The following DCP2 variants were observed in gnomAD, a reference collection of about 807,000 sequenced individuals.
DCP2 encodes the protein decapping mRNA 2, also known as m7GpppN-mRNA hydrolase.
DCP2 carries 30 observed loss-of-function variants against 56.1 expected under a neutral mutation model. The observed-to-expected ratio is 0.53, with a 90% CI of 0.40 to 0.73. DCP2 has a LOEUF of 0.73. DCP2 is among the 30% of genes least tolerant of loss of function. The pLI is 0.00. For synonymous variants in DCP2, 197 were observed against 163.3 expected, an observed-to-expected ratio of 1.21 and a Z score of -1.57; for missense variants, 533 against 502.7, an observed-to-expected ratio of 1.06 and a Z score of -0.58.
chr5:112,985,934 G>A lies in DCP2; in HGVS notation c.153G>A (p.Met51Ile), dbSNP rs754548516. ...ATTGGTTTTACTTGGATTTCTACAT[G>A]CAGAACACACCAGGATTACCTCAGT... is the stretch of plus-strand genomic sequence containing the variant. ...LAHWFYLDFY[M>I]QNTPGLPQCG... The change falls in exon 2 of 11, where the codon ATG becomes ATA. Residue 51 changes from methionine to isoleucine, a missense_variant. Transcript: ENST00000389063. 2 of 1,606,038 alleles carry A rather than the reference G, an allele frequency of 1.2e-6. No individual in the cohort carries two copies. Among genetic ancestry groups the A allele is most frequent in the African/African-American group, 1.3e-5 (1 of 74,974 alleles).
At chr5:112,992,595 G>T (rs1329224587) in intron 3 of DCP2, 77 bp from the exon 4 acceptor site, 9 of 1,091,318 alleles carry the variant, frequency 8.2e-6, no homozygotes, top group Non-Finnish European at 1.2e-5. Flanking sequence ...CAAGTAAGGA[G>T]AAAAATGCCT....
At chr5:113,008,227 A>G (rs974497249) in intron 9 of DCP2, 185 bp downstream of exon 9, 1 of 488,652 alleles carries the variant, frequency 2.0e-6, no homozygotes, top group African/African-American at 1.9e-5. Flanking sequence ...TTAATTACAA[A>G]TGTATAATGT....
At chr5:112,993,486 C>T (rs1176239173) in intron 4 of DCP2, among the ~76,000 whole-genome samples, 6 of 151,874 alleles carry the variant, frequency 4.0e-5, no homozygotes, top group Non-Finnish European at 7.4e-5. Context: ...ATTAGCTGGG[C>T]GTGGTGGTAC....
chr5:113,010,712 G>C (rs1255255472), intron 9 of DCP2, 44 bp from the exon 10 acceptor site: 8 of 1,472,788 alleles, frequency 5.4e-6, no homozygotes, highest in Non-Finnish European at 7.1e-6. Context: ...ACTGGTGACT[G>C]TGTTGTATGT....
rs1352178998 is a variant in DCP2, at chr5:113,019,362, A to G, written c.*5878A>G. 1 of 152,242 alleles carries G rather than the reference A, an allele frequency of 6.6e-6. No individual in the cohort carries two copies. Among genetic ancestry groups the G allele is most frequent in the East Asian group, 1.9e-4 (1 of 5,194 alleles). 9.4% of individuals were successfully genotyped at this position (152,242 alleles called of 1,614,324 possible). A position where few individuals can be genotyped will look rare whatever the true frequency, so the allele number is the denominator to read the frequency against. ...AGTAGACTTGTATTCTTTATGCACTATACATATGATACGCACTGACAGAAA... is the reference window on the plus strand; with the variant it reads ...AGTAGACTTGTATTCTTTATGCACTGTACATATGATACGCACTGACAGAAA... On this transcript the variant is annotated 3_prime_UTR_variant, in exon 11 of 11. Transcript: ENST00000389063.
rs182756201 is a variant in DCP2, at chr5:113,019,126, C to T, written c.*5642C>T. On this transcript the variant is annotated 3_prime_UTR_variant, in exon 11 of 11. Transcript: ENST00000389063. ...ATATTCTCCTTTTAGTTCATTGAATCTGAGGTTCTAAATCTGTAGCTTCAT... is the reference window on the plus strand; with the variant it reads ...ATATTCTCCTTTTAGTTCATTGAATTTGAGGTTCTAAATCTGTAGCTTCAT... 1 of 152,280 alleles carries T rather than the reference C, an allele frequency of 6.6e-6. No individual in the cohort carries two copies. Among genetic ancestry groups the T allele is most frequent in the Admixed American group, 6.5e-5 (1 of 15,282 alleles). 9.4% of individuals were successfully genotyped at this position (152,280 alleles called of 1,614,324 possible).
At chr5:112,984,617 A>G (rs938435702) in intron 1 of DCP2, 1 of 149,942 alleles carries the variant, frequency 6.7e-6, no homozygotes, top group African/African-American at 2.5e-5. Flanking sequence ...CCCAAATTGC[A>G]ATCTCTAAAA....
rs1182573775 is a variant in DCP2 at position 113,020,761 on chromosome 5, A to G, written c.*7277A>G. On this transcript the variant is annotated 3_prime_UTR_variant, in exon 11 of 11. Transcript: ENST00000389063. Reference sequence around the variant, plus strand: ...CCACTGAGAAAATGAACAAAATCCTATGTCTTAACAGTTATGCTCTAACTT... The same window carrying G: ...CCACTGAGAAAATGAACAAAATCCTGTGTCTTAACAGTTATGCTCTAACTT... The G allele has an allele frequency of 2.4e-4, 37 of 152,248 alleles. No individual in the cohort carries two copies. The highest frequency in any genetic ancestry group is 2.2e-3 in the Admixed American group (34 of 15,284). 9.4% of individuals were successfully genotyped at this position (152,248 alleles called of 1,614,324 possible).
At chr5:113,010,683 AT>A (rs1749644568) in intron 9 of DCP2, 72 bp from the exon 10 acceptor site, 1 of 1,394,446 alleles carries the variant, frequency 7.2e-7, no homozygotes, top group Non-Finnish European at 9.4e-7. Context: ...ACATCTTTTG[AT>A]TTTTAATAAG....
intron 1 of DCP2, among the ~76,000 whole-genome samples, chr5:112,977,617 T>A (rs1311469825): frequency 6.6e-6 from 1 of 152,208 alleles, no homozygotes; most frequent in Non-Finnish European, 1.5e-5. Context: ...TCCTTAATAA[T>A]CCTATTTTAA....
intron 1 of DCP2, among the ~76,000 whole-genome samples, chr5:112,981,164 A>G (rs956172308): frequency 1.3e-5 from 2 of 152,048 alleles, no homozygotes; most frequent in Non-Finnish European, 2.9e-5. Flanking sequence ...ATGTACCACC[A>G]TGCCCAGGTA....
At chr5:112,996,057 C>A (rs79577611) in intron 4 of DCP2, among the ~76,000 whole-genome samples, 1 of 152,166 alleles carries the variant, frequency 6.6e-6, no homozygotes, top group African/African-American at 2.4e-5. Context: ...TTATTACTTC[C>A]TCACAGCCCT....
At chr5:113,012,811 T>C (rs1749732760) in intron 10 of DCP2, among the ~76,000 whole-genome samples, 2 of 151,694 alleles carry the variant, frequency 1.3e-5, no homozygotes, top group Admixed American at 1.3e-4. Flanking sequence ...GCCTGGCTAA[T>C]TTTTGTATTT....
At position 112,994,054 on chromosome 5, in the gene DCP2, C is replaced by T. The variant is rs1373650240; in HGVS notation, c.432+1284C>T. 3.3e-5 allele frequency among the ~76,000 whole-genome samples: 5 copies of T among 151,990 alleles called. 1 individual carries two copies. The Middle Eastern group carries it at 0.014, about 414-fold the overall frequency. On this transcript the variant is annotated intron_variant, in intron 4 of 10. Coordinates refer to ENST00000389063, the MANE Select transcript of DCP2 (RefSeq NM_152624.6). ...TCAAGTGATCTCTCCTCCTCGGCCT[C>T]CCAAAGTGCTGGGATTAGAGACACG...
chr5:113,003,517 G>A lies in DCP2; in HGVS notation c.807-425G>A, dbSNP rs574218624. On this transcript the variant is annotated intron_variant, in intron 7 of 10. Transcript: ENST00000389063. ...CTCGAGCCTGAGAGGTTGAGGCCACGGTGAGCTGTGATCCTGCCACTGCAC... is the reference window on the plus strand; with the variant it reads ...CTCGAGCCTGAGAGGTTGAGGCCACAGTGAGCTGTGATCCTGCCACTGCAC... 1.1e-4 allele frequency among the ~76,000 whole-genome samples: 17 copies of A among 152,168 alleles called. No individual in the cohort carries two copies. In the East Asian group the frequency reaches 3.1e-3, roughly 28 times the overall value.
chr5:112,993,478 T>C (rs1398947857), intron 4 of DCP2, among the ~76,000 whole-genome samples: 2 of 151,940 alleles, frequency 1.3e-5, no homozygotes, highest in Non-Finnish European at 2.9e-5. Flanking sequence ...TACAAAAAAT[T>C]AGCTGGGCGT....
chr5:113,022,160 GTC>G lies in DCP2; in HGVS notation c.*8680_*8681del, dbSNP rs1260878846. On this transcript the variant is annotated 3_prime_UTR_variant, in exon 11 of 11. Coordinates refer to ENST00000389063, the MANE Select transcript of DCP2 (RefSeq NM_152624.6). ...AGAATGTTTGTAAAATATTATAAAT[GTC>G]TCTGTATAAATAAATGGAGTTTTTA... 4.6e-5 allele frequency: 7 copies of G among 152,546 alleles called. No individual in the cohort carries two copies. The highest frequency in any genetic ancestry group is 1.9e-4 in the East Asian group (1 of 5,198). 9.4% of individuals were successfully genotyped at this position (152,546 alleles called of 1,614,324 possible).
chr5:112,985,774 G>A, intron 1 of DCP2, 61 bp from the exon 2 acceptor site: 2 of 1,565,522 alleles, frequency 1.3e-6, no homozygotes, highest in East Asian at 2.3e-5. Flanking sequence ...CACTTAAATA[G>A]CTTAAGATAA....
intron 2 of DCP2, among the ~76,000 whole-genome samples, chr5:112,988,605 GAA>G (rs562958600): frequency 1.1e-3 from 164 of 150,076 alleles, no homozygotes; most frequent in African/African-American, 3.7e-3. Flanking sequence ...GGACTACAAA[GAA>G]AACACTGATG....
Sources: gnomAD v4.1 joint callset for allele counts (sites outside exome capture counted in the v4.1 genomes callset) on GRCh38, gnomAD v4.1.1 for gene constraint, MANE v1.5 for transcripts, NCBI Gene and HGNC (gene_info 2026-07-23, HGNC 2026-07-21) for gene names.